POGK: variants seen among roughly 807,000 people sequenced by gnomAD.
POGK encodes the protein pogo transposable element derived with KRAB domain.
In POGK, 16 loss-of-function variants were observed where a neutral mutation model predicts 54.4. The observed-to-expected ratio is 0.29, with a 90% confidence interval of 0.20 to 0.45. The LOEUF (loss-of-function observed/expected upper bound fraction) is 0.45, where lower values mean the gene tolerates loss of function less well. Among genes scored for constraint, POGK ranks in the 20% least tolerant of loss-of-function variants. The pLI is 1.00. For missense variants in POGK, 515 were observed against 795.6 expected (o/e 0.65, Z 4.24); for synonymous variants, 271 against 302.2 (o/e 0.90, Z 1.07).
rs1658120367 is a variant in POGK at position 166,852,685 on chromosome 1, G to C, written c.*115G>C. The C allele has an allele frequency of 6.6e-6, 1 of 152,196 alleles. No homozygotes were observed. Among genetic ancestry groups the C allele is most frequent in the South Asian group, 2.1e-4 (1 of 4,834 alleles). The allele number at this position is 152,196 out of a possible 1,614,324, so 9.4% of individuals were successfully genotyped here. On this transcript the variant is annotated 3_prime_UTR_variant, in exon 6 of 6. Coordinates refer to ENST00000367876, the MANE Select transcript of POGK (RefSeq NM_017542.5). ...GATGCGCAGGGAACATCAGGAAAAGGCCACGGGGCTCTGAACAGCCCCGGT... is the reference window on the plus strand; with the variant it reads ...GATGCGCAGGGAACATCAGGAAAAGCCCACGGGGCTCTGAACAGCCCCGGT...
intron 5 of POGK, 145 bp downstream of exon 5, chr1:166,850,568 C>A: frequency 1.2e-6 from 1 of 831,544 alleles, no homozygotes; most frequent in Non-Finnish European, 1.7e-6. Context: ...ACCCCCAGGT[C>A]ACGGACCATA....
Sources: gnomAD v4.1 joint callset for allele counts on GRCh38, gnomAD v4.1.1 for gene constraint, MANE v1.5 for transcripts, NCBI Gene and HGNC (gene_info 2026-07-23, HGNC 2026-07-21) for gene names.